The following SPIDR variants were observed in gnomAD, a reference collection of about 807,000 sequenced individuals.
SPIDR encodes scaffold protein involved in DNA repair, also known as DNA repair-scaffolding protein.
In SPIDR, 93 loss-of-function variants were observed where a neutral mutation model predicts 104.6. The ratio of observed to expected loss-of-function variants is 0.89; its 90% CI spans 0.75 to 1.06. The LOEUF (loss-of-function observed/expected upper bound fraction) is 1.06, where lower values mean the gene tolerates loss of function less well. Among genes scored for constraint, SPIDR ranks in the 50% least tolerant of loss-of-function variants. SPIDR has a pLI of 0.00. For missense variants in SPIDR, 1,154 were observed against 1,111.2 expected (o/e 1.04, Z -0.55); for synonymous variants, 431 against 416.9 (o/e 1.03, Z -0.41).
intron 8 of SPIDR, among the ~76,000 whole-genome samples, chr8:47,502,166 A>C (rs2080596243): frequency 6.6e-6 from 1 of 152,198 alleles, no homozygotes; most frequent in Non-Finnish European, 1.5e-5. Context: ...AAAATGAGTT[A>C]GGGACGATTC....
chr8:47,319,798 A>G (rs1225621120), intron 5 of SPIDR, among the ~76,000 whole-genome samples: 2 of 152,142 alleles, frequency 1.3e-5, no homozygotes, highest in Non-Finnish European at 2.9e-5. Flanking sequence ...AAACTCACTC[A>G]AAACTGCTCA....
chr8:47,512,031 T>G (rs2082409267), intron 8 of SPIDR: 1 of 725,126 alleles, frequency 1.4e-6, no homozygotes, highest in Admixed American at 1.9e-5. Flanking sequence ...AAAAGCTCGC[T>G]AGCGCAATCT....
In SPIDR at chr8:47,487,928, A is replaced by G. The variant is rs547338485; in HGVS notation, c.1097+47386A>G. On this transcript the variant is annotated intron_variant, in intron 8 of 19. Transcript: ENST00000297423. The stretch of plus-strand genomic sequence containing the variant: ...GGAAAGATCTAAAATTGACACCCTA[A>G]CATCACAATTAAAAGAACTAGATAA... Among the ~76,000 whole-genome samples, 466 of 152,330 alleles carry G rather than the reference A, an allele frequency of 3.1e-3. 1 individual carries two copies. Among genetic ancestry groups the G allele is most frequent in the African/African-American group, 0.011 (455 of 41,574 alleles).
intron 5 of SPIDR, among the ~76,000 whole-genome samples, chr8:47,393,219 G>A (rs1342777184): frequency 1.3e-5 from 2 of 152,138 alleles, no homozygotes; most frequent in African/African-American, 2.4e-5. Context: ...AGCAACTCCT[G>A]CCTGAATGTA....
chr8:47,379,024 A>G (rs968780667), intron 5 of SPIDR, among the ~76,000 whole-genome samples: 7 of 152,154 alleles, frequency 4.6e-5, no homozygotes, highest in Non-Finnish European at 1.0e-4. Context: ...CCTAAACCCA[A>G]GGCAAACTGG....
At chr8:47,565,729 C>T (rs2057706480) in intron 8 of SPIDR, among the ~76,000 whole-genome samples, 1 of 150,792 alleles carries the variant, frequency 6.6e-6, no homozygotes, top group African/African-American at 2.4e-5. Flanking sequence ...AACATTTATG[C>T]ATGATTATAT....
At chr8:47,623,127 C>T (rs1189307825) in intron 10 of SPIDR, among the ~76,000 whole-genome samples, 1 of 152,138 alleles carries the variant, frequency 6.6e-6, no homozygotes, top group Non-Finnish European at 1.5e-5. Flanking sequence ...CATAAGATTG[C>T]CTCCTCTTGT....
chr8:47,421,623 C>G (rs1463650007), intron 7 of SPIDR, among the ~76,000 whole-genome samples: 2 of 152,234 alleles, frequency 1.3e-5, no homozygotes, highest in Non-Finnish European at 2.9e-5. Flanking sequence ...GAAAGTCATT[C>G]TCCATCCAGC....
At chr8:47,450,381 T>C (rs1554705123) in intron 8 of SPIDR, among the ~76,000 whole-genome samples, 1 of 152,068 alleles carries the variant, frequency 6.6e-6, no homozygotes, top group African/African-American at 2.4e-5. Flanking sequence ...CATAAATCCA[T>C]TCAGGAAGGT....
chr8:47,431,297 C>G (rs187474491), intron 7 of SPIDR, among the ~76,000 whole-genome samples: 14 of 152,312 alleles, frequency 9.2e-5, no homozygotes, highest in African/African-American at 3.4e-4. Flanking sequence ...CTTGGAGCCC[C>G]CATCTCCAAA....
rs993513161 is a variant in SPIDR at position 47,329,205 on chromosome 8, G to A, written c.525+35175G>A. Among the ~76,000 whole-genome samples the A allele has an allele frequency of 2.6e-5, 4 of 151,932 alleles. No individual in the cohort carries two copies. The South Asian group carries it at 8.3e-4, about 32-fold the overall frequency. ...CCTGCCTCAGCCTCCCGAGTAGCTGGGACTACAGGCACCCGCCACCACGCC... is the reference window on the plus strand; with the variant it reads ...CCTGCCTCAGCCTCCCGAGTAGCTGAGACTACAGGCACCCGCCACCACGCC... On this transcript the variant is annotated intron_variant, in intron 5 of 19. Transcript: ENST00000297423.
chr8:47,495,007 C>T (rs944827267), intron 8 of SPIDR, among the ~76,000 whole-genome samples: 1 of 152,046 alleles, frequency 6.6e-6, no homozygotes, highest in Non-Finnish European at 1.5e-5. Context: ...CAGGGCCACC[C>T]CAGTGAGTCT....
intron 8 of SPIDR, among the ~76,000 whole-genome samples, chr8:47,524,284 A>T (rs1337237518): frequency 1.3e-5 from 2 of 152,194 alleles, no homozygotes; most frequent in Admixed American, 1.3e-4. Context: ...CATTGTGTGG[A>T]TGAGAAATCT....
At chr8:47,264,768 T>C (rs2033518763) in intron 1 of SPIDR, among the ~76,000 whole-genome samples, 1 of 152,138 alleles carries the variant, frequency 6.6e-6, no homozygotes, top group Non-Finnish European at 1.5e-5. Flanking sequence ...CATTGAGTTG[T>C]CGTTTCTTTA....
intron 4 of SPIDR, among the ~76,000 whole-genome samples, chr8:47,293,062 G>A (rs1174085608): frequency 3.3e-5 from 5 of 151,900 alleles, no homozygotes; most frequent in Non-Finnish European, 7.4e-5. Flanking sequence ...GTTAATGTGG[G>A]AAGCCGTTGC....
intron 6 of SPIDR, among the ~76,000 whole-genome samples, chr8:47,401,083 A>T (rs1554662347): frequency 6.6e-6 from 1 of 152,182 alleles, no homozygotes; most frequent in African/African-American, 2.4e-5. Context: ...GGGCAGCCAG[A>T]GAGAAAGGTC....
chr8:47,662,425 A>G lies in SPIDR; in HGVS notation c.1545-11376A>G, dbSNP rs1037540540. ...CTAGTTTCTGAAAACTTTTAACACT[A>G]TATAAACAAAAGAAAACATACTAGC... On this transcript the variant is annotated intron_variant, in intron 10 of 19. Coordinates refer to ENST00000297423, the MANE Select transcript of SPIDR (RefSeq NM_001080394.4). 3.3e-5 allele frequency among the ~76,000 whole-genome samples: 5 copies of G among 152,332 alleles called. No individual in the cohort carries two copies. The East Asian group carries it at 9.6e-4, about 29-fold the overall frequency.
intron 8 of SPIDR, among the ~76,000 whole-genome samples, chr8:47,445,218 T>G (rs1554700618): frequency 2.0e-5 from 3 of 152,230 alleles, no homozygotes; most frequent in African/African-American, 7.2e-5. Context: ...GCCATTTTTC[T>G]AACAGCATGT....
chr8:47,519,174 C>T (rs945252026), intron 8 of SPIDR, among the ~76,000 whole-genome samples: 5 of 151,042 alleles, frequency 3.3e-5, no homozygotes, highest in Non-Finnish European at 7.4e-5. Flanking sequence ...GACAGAGTTT[C>T]GCTCTTGTTG....
Sources: gnomAD v4.1 joint callset for allele counts (sites outside exome capture counted in the v4.1 genomes callset) on GRCh38, gnomAD v4.1.1 for gene constraint, MANE v1.5 for transcripts, NCBI Gene and HGNC (gene_info 2026-07-23, HGNC 2026-07-21) for gene names.